CHODL: variants seen among roughly 807,000 people sequenced by gnomAD.
CHODL encodes transmembrane protein MT75.
Under a neutral mutation model 34.5 loss-of-function variants are expected in CHODL, and 29 were observed. The ratio of observed to expected loss-of-function variants is 0.84; its 90% CI spans 0.63 to 1.15. The LOEUF is 1.15. CHODL is among the 50% of genes most tolerant of loss of function. The probability of loss-of-function intolerance (pLI) is 0.00; values close to 1 mark genes in which losing one functional copy is unlikely to be tolerated. For synonymous variants in CHODL, 125 were observed against 116.1 expected (o/e 1.08, Z -0.49); for missense variants, 332 against 332.5 (o/e 1.00, Z 0.01).
At chr21:18,175,912 T>C (rs962356958) in intron 2 of CHODL, among the ~76,000 whole-genome samples, 8 of 152,270 alleles carry the variant, frequency 5.3e-5, no homozygotes, top group African/African-American at 1.9e-4. Context: ...ACAACATCAT[T>C]GTGGCAATGG....
chr21:17,983,017 A>G (rs1043811206), intron 1 of CHODL, among the ~76,000 whole-genome samples: 13 of 151,964 alleles, frequency 8.6e-5, no homozygotes, highest in African/African-American at 2.9e-4. Flanking sequence ...GAGCCACCGC[A>G]TTCATCGCCT....
rs148813449 is a variant in CHODL, at chr21:17,978,895, C to T, written c.-144-48977C>T. Among the ~76,000 whole-genome samples, 1,516 of 152,126 alleles carry T rather than the reference C, an allele frequency of 1.0e-2. 24 individuals are homozygous for T. Among genetic ancestry groups the T allele is most frequent in the African/African-American group, 0.029 (1,194 of 41,506 alleles). ...TCTTTTTTTTCTTGTTGGCTGTCAG[C>T]GAAGGCCTGCCCTTAGTTGCAATAG... On this transcript the variant is annotated intron_variant, in intron 1 of 6. Coordinates refer to the CHODL transcript ENST00000400127.
chr21:18,003,903 G>T (rs556965112), intron 1 of CHODL, among the ~76,000 whole-genome samples: 1 of 152,206 alleles, frequency 6.6e-6, no homozygotes, highest in African/African-American at 2.4e-5. Flanking sequence ...CTAGGTTTGG[G>T]CATAAGAATA....
chr21:18,025,746 C>G (rs1273254291), intron 1 of CHODL, among the ~76,000 whole-genome samples: 1 of 152,116 alleles, frequency 6.6e-6, no homozygotes, highest in South Asian at 2.1e-4. Context: ...AGTGTAGGCA[C>G]GTTGATTTGA....
At chr21:18,152,373 G>A (rs2072980671) in intron 2 of CHODL, among the ~76,000 whole-genome samples, 1 of 152,182 alleles carries the variant, frequency 6.6e-6, no homozygotes, top group Admixed American at 6.5e-5. Flanking sequence ...ATTTCCACAT[G>A]GTTCTGAGGT....
intron 1 of CHODL, among the ~76,000 whole-genome samples, chr21:17,990,322 T>G (rs969594062): frequency 9.2e-5 from 14 of 152,202 alleles, no homozygotes; most frequent in African/African-American, 3.1e-4. Flanking sequence ...TTCCCAACAT[T>G]AGCTACAATG....
rs570586905 is a variant in CHODL at position 18,192,070 on chromosome 21, T to C, written c.-44-64439T>C. Among the ~76,000 whole-genome samples, 20 of 152,244 alleles carry C rather than the reference T, an allele frequency of 1.3e-4. 1 individual carries two copies. In the South Asian group the frequency reaches 3.5e-3, roughly 27 times the overall value. On this transcript the variant is annotated intron_variant, in intron 2 of 6. Transcript: ENST00000400127. ...GGCATGTGTTATGTGTAAGGTGTCA[T>C]TGAAACCCTCTGGAAGAACTACATA... is the stretch of plus-strand genomic sequence containing the variant.
At chr21:18,010,780 T>C (rs1335619702) in intron 1 of CHODL, among the ~76,000 whole-genome samples, 1 of 152,230 alleles carries the variant, frequency 6.6e-6, no homozygotes, top group African/African-American at 2.4e-5. Flanking sequence ...TCTGCAATTT[T>C]CCAATGATTC....
intron 2 of CHODL, among the ~76,000 whole-genome samples, chr21:18,035,761 T>C (rs1345842495): frequency 6.6e-6 from 1 of 151,156 alleles, no homozygotes; most frequent in East Asian, 1.9e-4. Flanking sequence ...ATCTCAGATG[T>C]TAAAGTTTTA....
intron 2 of CHODL, among the ~76,000 whole-genome samples, chr21:18,151,037 C>A (rs749562839): frequency 1.4e-5 from 2 of 147,174 alleles, no homozygotes; most frequent in Admixed American, 6.8e-5. Flanking sequence ...GAGCCGAGAT[C>A]GCACCACTGC....
rs79949821 is a variant in CHODL, at chr21:18,209,434, C to T, written c.-44-47075C>T. On this transcript the variant is annotated intron_variant, in intron 2 of 6. Coordinates refer to the CHODL transcript ENST00000400127. The stretch of plus-strand genomic sequence containing the variant: ...TCTCTTTGGGACAGTGGGCTCCCCT[C>T]TGGCCTAGGAGAGGTCCAGAAATGC... Among the ~76,000 whole-genome samples the T allele has an allele frequency of 4.5e-3, 690 of 152,294 alleles. 5 individuals are homozygous for T. Among genetic ancestry groups the T allele is most frequent in the African/African-American group, 0.016 (648 of 41,556 alleles).
chr21:18,098,539 G>A (rs533915547), intron 2 of CHODL, among the ~76,000 whole-genome samples: 11 of 152,004 alleles, frequency 7.2e-5, no homozygotes, highest in East Asian at 3.9e-4. Flanking sequence ...CATCTTACTC[G>A]GCTAAAATAG....
chr21:17,977,229 G>C (rs374563521), intron 1 of CHODL, among the ~76,000 whole-genome samples: 3 of 152,058 alleles, frequency 2.0e-5, no homozygotes, highest in African/African-American at 7.2e-5. Context: ...TGCCCCTTTA[G>C]TTCTTTATAC....
chr21:17,999,693 G>A (rs927696372), intron 1 of CHODL, among the ~76,000 whole-genome samples: 3 of 152,158 alleles, frequency 2.0e-5, no homozygotes, highest in Admixed American at 1.3e-4. Context: ...CACGAGAATA[G>A]CATGGGAAAG....
At chr21:18,128,117 G>C (rs11088666) in intron 2 of CHODL, among the ~76,000 whole-genome samples, 12 of 150,420 alleles carry the variant, frequency 8.0e-5, no homozygotes, top group Non-Finnish European at 1.5e-4. Flanking sequence ...TGGCTAACAC[G>C]GTGAAACCCC....
At chr21:18,175,160 T>C (rs1281475605) in intron 2 of CHODL, among the ~76,000 whole-genome samples, 2 of 152,228 alleles carry the variant, frequency 1.3e-5, no homozygotes, top group African/African-American at 4.8e-5. Context: ...CTTTTATGTA[T>C]TGAGGCTCTC....
chr21:18,141,819 T>C lies in CHODL; in HGVS notation c.-45+113848T>C, dbSNP rs143275841. 3.7e-4 allele frequency among the ~76,000 whole-genome samples: 56 copies of C among 151,898 alleles called. 1 individual carries two copies. Among genetic ancestry groups the C allele is most frequent in the African/African-American group, 1.1e-3 (45 of 41,454 alleles). On this transcript the variant is annotated intron_variant, in intron 2 of 6. Coordinates refer to the CHODL transcript ENST00000400127. ...AAATAAGCCAGAGAAGCAAACAAGC[T>C]GAAGGTAAGAATCAGGAAGCGTGTC...
intron 2 of CHODL, among the ~76,000 whole-genome samples, chr21:18,052,373 A>G (rs1333632672): frequency 6.6e-6 from 1 of 151,934 alleles, no homozygotes; most frequent in Non-Finnish European, 1.5e-5. Flanking sequence ...ACAGCTTGTT[A>G]TTGGAAAGCC....
At chr21:17,967,527 C>T (rs915676806) in intron 1 of CHODL, among the ~76,000 whole-genome samples, 3 of 152,190 alleles carry the variant, frequency 2.0e-5, no homozygotes, top group Admixed American at 2.0e-4. Context: ...AGATTTACCT[C>T]AAGCTCTATG....
Sources: allele counts gnomAD v4.1 joint callset (sites outside exome capture counted in the v4.1 genomes callset), GRCh38; gene constraint gnomAD v4.1.1; transcripts MANE v1.5; gene names NCBI Gene and HGNC (gene_info 2026-07-23, HGNC 2026-07-21).